Variants in TBCA observed in about 807,000 individuals in gnomAD.
The protein encoded by TBCA is tubulin-specific chaperone A.
In TBCA, 6 loss-of-function variants were observed where a neutral mutation model predicts 15.8. That is an observed-to-expected ratio of 0.38 (90% CI 0.21 to 0.75). The LOEUF (loss-of-function observed/expected upper bound fraction) is 0.75. TBCA is among the 30% of genes least tolerant of loss of function. The probability of loss-of-function intolerance (pLI) is 0.46; values close to 1 mark genes in which losing one functional copy is unlikely to be tolerated. For missense variants in TBCA, 90 were observed against 131.2 expected, an observed-to-expected ratio of 0.69 and a Z score of 1.53; for synonymous variants, 32 against 42.3, an observed-to-expected ratio of 0.76 and a Z score of 0.94.
intron 1 of TBCA, among the ~76,000 whole-genome samples, chr5:77,756,000 T>C (rs1747466656): frequency 6.6e-6 from 1 of 152,114 alleles, no homozygotes; most frequent in South Asian, 2.1e-4. Flanking sequence ...AGCGAAACTT[T>C]ATCTCAAAAA....
intron 1 of TBCA, among the ~76,000 whole-genome samples, chr5:77,775,496 T>C (rs997204419): frequency 6.6e-6 from 1 of 152,226 alleles, no homozygotes; most frequent in East Asian, 1.9e-4. Context: ...CAGGACCTCC[T>C]GAGGCTGTGT....
chr5:77,723,498 G>A (rs1746567845), intron 1 of TBCA, among the ~76,000 whole-genome samples: 1 of 151,924 alleles, frequency 6.6e-6, no homozygotes. Context: ...TATTATGGTA[G>A]AACAGACTAA....
Position 77,691,306 on chromosome 5 carries a change from T to C in TBCA, c.*112A>G. 1 of 819,046 alleles carries C rather than the reference T, an allele frequency of 1.2e-6. No individual in the cohort carries two copies. The highest frequency in any genetic ancestry group is 1.9e-6 in the Non-Finnish European group (1 of 520,476). The allele number at this position is 819,046 out of a possible 1,614,324, so 50.7% of individuals were successfully genotyped here. On this transcript the variant is annotated 3_prime_UTR_variant, in exon 4 of 4. Coordinates refer to ENST00000380377, the MANE Select transcript of TBCA (RefSeq NM_004607.3). Reference sequence around the variant, plus strand: ...ACAAAGAAATATATATGTAACCAGATAAAAACAATCACATTCTCATACTAC... The same window carrying C: ...ACAAAGAAATATATATGTAACCAGACAAAAACAATCACATTCTCATACTAC...
chr5:77,694,065 AAC>A (rs1056596397), intron 2 of TBCA, among the ~76,000 whole-genome samples: 4 of 152,192 alleles, frequency 2.6e-5, no homozygotes, highest in African/African-American at 9.6e-5. Context: ...AATAAAGAAA[AAC>A]AGTGTTCAGA....
At chr5:77,754,409 GT>G (rs1269798269) in intron 1 of TBCA, among the ~76,000 whole-genome samples, 1 of 151,994 alleles carries the variant, frequency 6.6e-6, no homozygotes, top group Admixed American at 6.6e-5. Flanking sequence ...CCTACAATGC[GT>G]TTTTTAAATT....
intron 1 of TBCA, among the ~76,000 whole-genome samples, chr5:77,708,982 CTTT>C (rs35555938): frequency 7.1e-5 from 10 of 141,356 alleles, no homozygotes; most frequent in Middle Eastern, 3.5e-3. Flanking sequence ...ATACAACTGT[CTTT>C]TTTTTTTTTT....
At chr5:77,718,240 A>C (rs929749744) in intron 1 of TBCA, among the ~76,000 whole-genome samples, 1 of 152,238 alleles carries the variant, frequency 6.6e-6, no homozygotes, top group African/African-American at 2.4e-5. Flanking sequence ...TCACATTTTC[A>C]AAGTATTTCT....
rs756385398 is a variant in TBCA, at chr5:77,776,310, G to A, written c.-53C>T. On this transcript the variant is annotated 5_prime_UTR_variant, in exon 1 of 4. Coordinates refer to ENST00000380377, the MANE Select transcript of TBCA (RefSeq NM_004607.3). ...GGCGGAGAGCCGGGGTAACCGTGGA[G>A]GGCGACGCGCAGAGGCTGCGGCTAT... 5.0e-5 allele frequency: 77 copies of A among 1,551,554 alleles called. No individual in the cohort carries two copies. Among genetic ancestry groups the A allele is most frequent in the Non-Finnish European group, 6.4e-5 (73 of 1,147,666 alleles).
chr5:77,754,449 T>C (rs766927258), intron 1 of TBCA, among the ~76,000 whole-genome samples: 5 of 152,236 alleles, frequency 3.3e-5, no homozygotes, highest in Non-Finnish European at 7.3e-5. Flanking sequence ...TAATGAAATA[T>C]TCAGTATAAC....
intron 1 of TBCA, among the ~76,000 whole-genome samples, chr5:77,728,552 C>T (rs987054270): frequency 6.6e-6 from 1 of 152,074 alleles, no homozygotes; most frequent in African/African-American, 2.4e-5. Context: ...ACATAAACCT[C>T]AACAACTTGA....
At chr5:77,747,330 A>G (rs1218631292) in intron 1 of TBCA, among the ~76,000 whole-genome samples, 4 of 152,150 alleles carry the variant, frequency 2.6e-5, no homozygotes, top group African/African-American at 9.6e-5. Flanking sequence ...GCATTTATTC[A>G]TTTCAAATAA....
intron 1 of TBCA, among the ~76,000 whole-genome samples, chr5:77,765,702 C>T (rs375805450): frequency 7.5e-4 from 114 of 152,240 alleles, no homozygotes; most frequent in African/African-American, 2.6e-3. Flanking sequence ...CATGGCTGCT[C>T]TTGGCCACAC....
At position 77,717,543 on chromosome 5, in the gene TBCA, C is replaced by A. The variant is rs149796213; in HGVS notation, c.54-9196G>T. On this transcript the variant is annotated intron_variant, in intron 1 of 3. Coordinates refer to ENST00000380377, the MANE Select transcript of TBCA (RefSeq NM_004607.3). ...TTAAAACAGTGTAAACTTGTTTTTGCTTTTAGTCGGGCGCAGTGGCTCACG... is the reference window on the plus strand; with the variant it reads ...TTAAAACAGTGTAAACTTGTTTTTGATTTTAGTCGGGCGCAGTGGCTCACG... Among the ~76,000 whole-genome samples the A allele has an allele frequency of 7.8e-3, 1,191 of 152,218 alleles. 19 individuals are homozygous for A. Among genetic ancestry groups the A allele is most frequent in the African/African-American group, 0.027 (1,110 of 41,544 alleles).
intron 1 of TBCA, among the ~76,000 whole-genome samples, chr5:77,750,153 G>C (rs7713238): frequency 6.9e-6 from 1 of 144,268 alleles, no homozygotes; most frequent in African/African-American, 2.7e-5. Flanking sequence ...TATATATAGA[G>C]AGAGAGCACA....
chr5:77,742,851 A>G (rs1225989986), intron 1 of TBCA, among the ~76,000 whole-genome samples: 5 of 152,184 alleles, frequency 3.3e-5, no homozygotes, highest in African/African-American at 4.8e-5. Context: ...AAAAAACAAT[A>G]TTGTTTCTTT....
At chr5:77,744,611 C>T (rs549450109) in intron 1 of TBCA, among the ~76,000 whole-genome samples, 1 of 142,342 alleles carries the variant, frequency 7.0e-6, no homozygotes, top group East Asian at 2.2e-4. Flanking sequence ...TCTCGGCTCA[C>T]TGCAACCTCC....
At chr5:77,704,322 G>A (rs1746094222) in intron 2 of TBCA, among the ~76,000 whole-genome samples, 1 of 152,146 alleles carries the variant, frequency 6.6e-6, no homozygotes, top group Non-Finnish European at 1.5e-5. Context: ...CAGAGGGACT[G>A]TCCCCTGATT....
intron 2 of TBCA, among the ~76,000 whole-genome samples, chr5:77,698,687 G>T (rs1245299465): frequency 6.6e-6 from 1 of 152,106 alleles, no homozygotes; most frequent in African/African-American, 2.4e-5. Context: ...TATGAAATCT[G>T]TATTAACCTT....
intron 1 of TBCA, among the ~76,000 whole-genome samples, chr5:77,767,959 A>C (rs1747819149): frequency 6.6e-6 from 1 of 152,142 alleles, no homozygotes; most frequent in African/African-American, 2.4e-5. Context: ...TCCCTTGTGA[A>C]TGGGATTAAG....
Sources: gnomAD v4.1 joint callset for allele counts (sites outside exome capture counted in the v4.1 genomes callset) on GRCh38, gnomAD v4.1.1 for gene constraint, MANE v1.5 for transcripts, NCBI Gene and HGNC (gene_info 2026-07-23, HGNC 2026-07-21) for gene names.